ABLIM1: variants seen among roughly 807,000 people sequenced by gnomAD.
ABLIM1 encodes actin binding LIM protein 1.
A neutral mutation model predicts 107.0 loss-of-function variants in ABLIM1; 40 were observed. The ratio of observed to expected loss-of-function variants is 0.37; its 90% confidence interval spans 0.29 to 0.49. The LOEUF is 0.49. Ranked by LOEUF, ABLIM1 falls within the 20% of genes least tolerant of loss-of-function variation. The probability of loss-of-function intolerance (pLI) is 0.97; values close to 1 mark genes in which losing one functional copy is unlikely to be tolerated. For missense variants in ABLIM1, 857 were observed against 1,008.5 expected (o/e 0.85, Z 2.04); for synonymous variants, 357 against 357.3 (o/e 1.00, Z 0.01).
intron 1 of ABLIM1, among the ~76,000 whole-genome samples, chr10:114,609,152 T>A (rs1002435755): frequency 2.0e-5 from 3 of 152,244 alleles, no homozygotes; most frequent in Admixed American, 6.5e-5. Flanking sequence ...TGAGTACTTA[T>A]CCCTGTGCTA....
At position 114,571,768 on chromosome 10, in the gene ABLIM1, C is replaced by T. The variant is rs116496379; in HGVS notation, c.564-362G>A. On this transcript the variant is annotated intron_variant, in intron 3 of 22. Transcript: ENST00000533213. ...AAAAATATTTTAAATACCATGAATT[C>T]CCAGTGAAGCTTAAGGCCCTGCCCC... Among the ~76,000 whole-genome samples the T allele has an allele frequency of 4.2e-3, 635 of 152,250 alleles. 3 individuals carry two copies. The highest frequency in any genetic ancestry group is 0.015 in the African/African-American group (608 of 41,532).
intron 14 of ABLIM1, among the ~76,000 whole-genome samples, chr10:114,451,240 G>T (rs1243970641): frequency 1.3e-5 from 2 of 152,188 alleles, no homozygotes; most frequent in Non-Finnish European, 2.9e-5. Flanking sequence ...GTTTTTCTAG[G>T]TGGCTGGTTT....
At chr10:114,675,834 A>C (rs1190718063) in intron 1 of ABLIM1, among the ~76,000 whole-genome samples, 1 of 152,198 alleles carries the variant, frequency 6.6e-6, no homozygotes, top group South Asian at 2.1e-4. Flanking sequence ...AATCTGTTCC[A>C]TTCCTCTCTG....
the ABLIM1 span, among the ~76,000 whole-genome samples, chr10:114,798,463 G>C: frequency 1.3e-5 from 2 of 151,016 alleles, no homozygotes; most frequent in Non-Finnish European, 2.9e-5. Flanking sequence ...TGGGCACAGT[G>C]GCTCACACCT....
intron 2 of ABLIM1, among the ~76,000 whole-genome samples, chr10:114,581,284 CAG>C (rs761037319): frequency 2.0e-5 from 3 of 152,182 alleles, no homozygotes; most frequent in Non-Finnish European, 4.4e-5. Context: ...AGGGTGAAAA[CAG>C]AACAGTATTT....
chr10:114,603,388 G>C (rs1384754861), intron 1 of ABLIM1, among the ~76,000 whole-genome samples: 1 of 152,112 alleles, frequency 6.6e-6, no homozygotes, highest in Non-Finnish European at 1.5e-5. Context: ...AGCAGGTGTA[G>C]TTTCAGGTTG....
chr10:114,703,009 A>C (rs1284023899), intron 1 of ABLIM1, among the ~76,000 whole-genome samples: 1 of 152,178 alleles, frequency 6.6e-6, no homozygotes, highest in African/African-American at 2.4e-5. Flanking sequence ...AAATACATAA[A>C]CTTTGGGAGT....
intron 12 of ABLIM1, among the ~76,000 whole-genome samples, chr10:114,454,919 C>G (rs775228570): frequency 6.6e-6 from 1 of 152,094 alleles, no homozygotes; most frequent in African/African-American, 2.4e-5. Context: ...TGTCTTTTCA[C>G]TTTTTTGGTG....
intron 10 of ABLIM1, 139 bp from the exon 11 acceptor site, chr10:114,468,355 A>G (rs892565700): frequency 4.2e-6 from 3 of 713,554 alleles, no homozygotes; most frequent in African/African-American, 3.5e-5. Flanking sequence ...GTTTACTGCA[A>G]TCTCCGCCTC....
intron 6 of ABLIM1, among the ~76,000 whole-genome samples, chr10:114,538,128 C>A (rs567941429): frequency 6.6e-6 from 1 of 152,290 alleles, no homozygotes; most frequent in East Asian, 1.9e-4. Flanking sequence ...GGGACAAAGG[C>A]CTCCAATTTA....
At chr10:114,583,895 C>T (rs1267136241) in intron 2 of ABLIM1, among the ~76,000 whole-genome samples, 1 of 151,978 alleles carries the variant, frequency 6.6e-6, no homozygotes, top group African/African-American at 2.4e-5. Flanking sequence ...CATGTTCTCA[C>T]TTATAATTGG....
intron 6 of ABLIM1, among the ~76,000 whole-genome samples, chr10:114,536,437 G>A (rs1177917031): frequency 5.3e-5 from 8 of 150,942 alleles, no homozygotes; most frequent in East Asian, 3.9e-4. Context: ...TAGTAGAGAC[G>A]GGGTTTCACC....
chr10:114,728,689 C>T (rs1419361078), intron 1 of ABLIM1, among the ~76,000 whole-genome samples: 1 of 151,594 alleles, frequency 6.6e-6, no homozygotes, highest in Non-Finnish European at 1.5e-5. Flanking sequence ...TGTTCGTCTA[C>T]ATATATATGT....
chr10:114,695,647 T>C (rs2081179343), intron 1 of ABLIM1, among the ~76,000 whole-genome samples: 1 of 152,192 alleles, frequency 6.6e-6, no homozygotes, highest in Admixed American at 6.5e-5. Flanking sequence ...AGGTTAGAAC[T>C]GGGTCCATTA....
intron 1 of ABLIM1, among the ~76,000 whole-genome samples, chr10:114,730,715 T>G (rs557538269): frequency 6.6e-6 from 1 of 152,244 alleles, no homozygotes; most frequent in South Asian, 2.1e-4. Flanking sequence ...AATTTAGTGG[T>G]TTTTGGTATA....
At chr10:114,514,411 T>G (rs970225773) in intron 6 of ABLIM1, among the ~76,000 whole-genome samples, 3 of 152,214 alleles carry the variant, frequency 2.0e-5, no homozygotes, top group Non-Finnish European at 2.9e-5. Flanking sequence ...TCTCACTATG[T>G]TGCCCAGGCT....
chr10:114,502,783 T>G (rs1010892663), intron 6 of ABLIM1, among the ~76,000 whole-genome samples: 1 of 152,188 alleles, frequency 6.6e-6, no homozygotes, highest in Non-Finnish European at 1.5e-5. Flanking sequence ...TATTGCAGTA[T>G]AGCATTGAGA....
chr10:114,541,876 T>C (rs1401501180), intron 6 of ABLIM1, among the ~76,000 whole-genome samples: 1 of 151,760 alleles, frequency 6.6e-6, no homozygotes, highest in Non-Finnish European at 1.5e-5. Flanking sequence ...CCCACAGCTG[T>C]TGAGCTAAAT....
rs970954141 is a variant in ABLIM1 at position 114,619,761 on chromosome 10, G to A, written c.245-17800C>T. On this transcript the variant is annotated intron_variant, in intron 1 of 22. Coordinates refer to ENST00000533213, the MANE Select transcript of ABLIM1 (RefSeq NM_002313.7). The surrounding 1 kb of genome is among the most constrained non-coding windows in gnomAD (Gnocchi z 4.1). Reference sequence around the variant, plus strand: ...TGAAAAAGCAATTCCAGAAATACCAGGCTTGAAAGCTGACATGGGCTCTAC... The same window carrying A: ...TGAAAAAGCAATTCCAGAAATACCAAGCTTGAAAGCTGACATGGGCTCTAC... 3.3e-5 allele frequency among the ~76,000 whole-genome samples: 5 copies of A among 152,302 alleles called. No individual in the cohort carries two copies. Among genetic ancestry groups the A allele is most frequent in the African/African-American group, 1.2e-4 (5 of 41,580 alleles).
Sources: allele counts gnomAD v4.1 joint callset (sites outside exome capture counted in the v4.1 genomes callset), GRCh38; gene constraint gnomAD v4.1.1; non-coding constraint Gnocchi (gnomAD v3.1); transcripts MANE v1.5; gene names NCBI Gene and HGNC (gene_info 2026-07-23, HGNC 2026-07-21).